The following RIMS2 variants were observed in gnomAD, a reference collection of about 807,000 sequenced individuals.
RIMS2 encodes regulating synaptic membrane exocytosis protein 2.
In RIMS2, 59 loss-of-function variants were observed where a neutral mutation model predicts 174.4. That is an observed-to-expected ratio of 0.34 (90% CI 0.27 to 0.42). RIMS2 has a LOEUF of 0.42. Ranked by LOEUF, RIMS2 falls within the 10% of genes least tolerant of loss-of-function variation. RIMS2 has a pLI of 1.00. For missense variants in RIMS2, 1,620 were observed against 1,666.3 expected (o/e 0.97, Z 0.48); for synonymous variants, 606 against 572.5 (o/e 1.06, Z -0.84).
At chr8:103,601,738 T>C (rs1588686935) in intron 1 of RIMS2, among the ~76,000 whole-genome samples, 1 of 152,116 alleles carries the variant, frequency 6.6e-6, no homozygotes, top group Non-Finnish European at 1.5e-5. Context: ...TTCTCTTTCC[T>C]GTCTTTTTTA....
chr8:103,959,152 G>T (rs1453140528), intron 14 of RIMS2, among the ~76,000 whole-genome samples: 1 of 152,068 alleles, frequency 6.6e-6, no homozygotes, highest in Non-Finnish European at 1.5e-5. Context: ...TATTTATCAG[G>T]ATCAGAGAAG....
chr8:104,006,787 C>T (rs1371889558), intron 17 of RIMS2, among the ~76,000 whole-genome samples: 1 of 149,164 alleles, frequency 6.7e-6, no homozygotes, highest in East Asian at 1.9e-4. Context: ...ACCTCCAGTG[C>T]TTTACTGATA....
chr8:103,852,184 T>G (rs972787223), intron 3 of RIMS2, among the ~76,000 whole-genome samples: 1 of 151,994 alleles, frequency 6.6e-6, no homozygotes, highest in Non-Finnish European at 1.5e-5. Flanking sequence ...AAAAGCTGGT[T>G]TGCCTGAGGG....
At chr8:103,602,369 G>C (rs929032261) in intron 1 of RIMS2, among the ~76,000 whole-genome samples, 1 of 152,120 alleles carries the variant, frequency 6.6e-6, no homozygotes, top group African/African-American at 2.4e-5. Context: ...TGCATGTCAT[G>C]GGGGTTTGTT....
At chr8:103,606,535 G>A (rs370473919) in intron 1 of RIMS2, among the ~76,000 whole-genome samples, 53 of 152,114 alleles carry the variant, frequency 3.5e-4, no homozygotes, top group African/African-American at 1.2e-3. Flanking sequence ...TGCAGAGCTG[G>A]GTTCAATTCC....
chr8:103,704,890 T>G (rs2097207165), intron 2 of RIMS2, among the ~76,000 whole-genome samples: 1 of 151,932 alleles, frequency 6.6e-6, no homozygotes, highest in Non-Finnish European at 1.5e-5. Flanking sequence ...TTAATTTTGT[T>G]TACATTTTCA....
intron 19 of RIMS2, among the ~76,000 whole-genome samples, chr8:104,087,977 A>G (rs1366937563): frequency 2.0e-5 from 3 of 152,112 alleles, no homozygotes; most frequent in Non-Finnish European, 4.4e-5. Flanking sequence ...ATCTTAAATA[A>G]GTCCTCAAAT....
chr8:103,648,962 G>A (rs1564154191), intron 1 of RIMS2, among the ~76,000 whole-genome samples: 1 of 152,144 alleles, frequency 6.6e-6, no homozygotes, highest in East Asian at 1.9e-4. Context: ...ATTGTTATTT[G>A]TGAATTTGAT....
At chr8:103,975,605 T>C in intron 16 of RIMS2, 99 bp downstream of exon 18, 1 of 755,748 alleles carries the variant, frequency 1.3e-6, no homozygotes, top group Non-Finnish European at 2.1e-6. Context: ...CGAAAGGGAG[T>C]TTATTAGGGA....
chr8:103,635,226 G>A (rs2096046634), intron 1 of RIMS2, among the ~76,000 whole-genome samples: 1 of 152,178 alleles, frequency 6.6e-6, no homozygotes, highest in Admixed American at 6.5e-5. Flanking sequence ...CTATATTAGT[G>A]CTTCTTTCAA....
chr8:103,643,126 T>A (rs950210093), intron 1 of RIMS2, among the ~76,000 whole-genome samples: 1 of 152,068 alleles, frequency 6.6e-6, no homozygotes, highest in Admixed American at 6.6e-5. Context: ...TTTTCAGTTT[T>A]AGAAGTTTTT....
chr8:103,910,518 C>CA (rs748354866), intron 5 of RIMS2: 2 of 1,589,444 alleles, frequency 1.3e-6, no homozygotes, highest in African/African-American at 2.7e-5. Flanking sequence ...GGAGCATAGC[C>CA]ATAGTGATAA....
chr8:103,583,503 A>G (rs946789717), intron 1 of RIMS2, among the ~76,000 whole-genome samples: 2 of 152,222 alleles, frequency 1.3e-5, no homozygotes, highest in Non-Finnish European at 2.9e-5. Context: ...AAAATTTAAA[A>G]TAGTTGTGTT....
chr8:104,246,322 C>A (rs1290509005), intron 20 of RIMS2, among the ~76,000 whole-genome samples: 2 of 152,052 alleles, frequency 1.3e-5, no homozygotes, highest in Admixed American at 1.3e-4. Flanking sequence ...TGGGTCTTTT[C>A]TTTTCTTTCT....
intron 3 of RIMS2, among the ~76,000 whole-genome samples, chr8:103,815,744 A>T (rs888831822): frequency 3.3e-5 from 5 of 152,218 alleles, no homozygotes; most frequent in African/African-American, 7.2e-5. Context: ...AATAAAAGAT[A>T]CATGAACATA....
chr8:104,123,508 A>T (rs1333515586), intron 19 of RIMS2, among the ~76,000 whole-genome samples: 1 of 152,030 alleles, frequency 6.6e-6, no homozygotes, highest in South Asian at 2.1e-4. Context: ...GATTATGTGC[A>T]TCATTGGGGA....
At chr8:104,089,674 G>A (rs1027283711) in intron 19 of RIMS2, among the ~76,000 whole-genome samples, 2 of 151,786 alleles carry the variant, frequency 1.3e-5, no homozygotes, top group African/African-American at 2.4e-5. Flanking sequence ...TTTGGTGCAA[G>A]CCTTGAGTAG....
intron 19 of RIMS2, among the ~76,000 whole-genome samples, chr8:104,088,897 T>G (rs2097582449): frequency 6.6e-6 from 1 of 152,032 alleles, no homozygotes; most frequent in East Asian, 1.9e-4. Context: ...CACTGTTACT[T>G]TCCACTAATG....
rs1482496903 is a variant in RIMS2, at chr8:104,071,151, T to C, written c.3334+56536T>C. Among the ~76,000 whole-genome samples the C allele has an allele frequency of 1.3e-5, 2 of 152,246 alleles. 1 individual carries two copies. The highest frequency in any genetic ancestry group is 2.9e-5 in the Non-Finnish European group (2 of 68,040). Reference sequence around the variant, plus strand: ...TATTGGATGGACCAAAGGAATACTATAGGCATAGCTGGGATTTCTTTTCTA... The same window carrying C: ...TATTGGATGGACCAAAGGAATACTACAGGCATAGCTGGGATTTCTTTTCTA... On this transcript the variant is annotated intron_variant, in intron 19 of 23. Transcript: ENST00000504942.
Sources: allele counts gnomAD v4.1 joint callset (sites outside exome capture counted in the v4.1 genomes callset), GRCh38; gene constraint gnomAD v4.1.1; transcripts MANE v1.5; gene names NCBI Gene and HGNC (gene_info 2026-07-23, HGNC 2026-07-21).